DPP6: variants seen among roughly 807,000 people sequenced by gnomAD.
DPP6 encodes dipeptidyl peptidase like 6.
In DPP6, 69 loss-of-function variants were observed where a neutral mutation model predicts 122.6. That is an observed-to-expected ratio of 0.56 (90% confidence interval 0.46 to 0.69). The LOEUF (loss-of-function observed/expected upper bound fraction) is 0.69. DPP6 is among the 30% of genes least tolerant of loss of function. The pLI, the probability that DPP6 is intolerant of heterozygous loss-of-function variation, is 0.00. For synonymous variants in DPP6, 418 were observed against 433.1 expected (o/e 0.97, Z 0.43); for missense variants, 928 against 1,116.9 (o/e 0.83, Z 2.41).
chr7:154,660,704 A>G (rs1198620798), intron 6 of DPP6, among the ~76,000 whole-genome samples: 1 of 107,798 alleles, frequency 9.3e-6, no homozygotes, highest in African/African-American at 4.1e-5. Context: ...ACCATGGCAT[A>G]TTGGCGCTAG....
the DPP6 span, among the ~76,000 whole-genome samples, chr7:153,852,977 TG>T: frequency 6.6e-6 from 1 of 152,164 alleles, no homozygotes; most frequent in Non-Finnish European, 1.5e-5. Flanking sequence ...TTTCAACATG[TG>T]GGCACCCCTC....
At chr7:154,388,773 T>G (rs962898018) in intron 1 of DPP6, among the ~76,000 whole-genome samples, 15 of 152,264 alleles carry the variant, frequency 9.9e-5, no homozygotes, top group African/African-American at 2.9e-4. Context: ...AAGAGAACTG[T>G]GGGTTTATGC....
In DPP6 at chr7:154,010,924, C is replaced by T. The variant is rs368934981; in HGVS notation, c.51+123190C>T. On this transcript the variant is annotated intron_variant, in intron 1 of 25. Transcript: ENST00000404039. ...CATTTCAAATACTGGTTCATCTGGC[C>T]CCCATCCTGATCAAAAATAGTCAGA... Among the ~76,000 whole-genome samples the T allele has an allele frequency of 5.9e-5, 9 of 152,202 alleles. No homozygotes were observed. In the East Asian group the frequency reaches 1.2e-3, roughly 20 times the overall value.
intron 3 of DPP6, among the ~76,000 whole-genome samples, chr7:154,531,301 G>A (rs1003751696): frequency 6.6e-6 from 1 of 152,082 alleles, no homozygotes; most frequent in African/African-American, 2.4e-5. Flanking sequence ...ATACGCTCTG[G>A]GAAATAATTC....
At chr7:154,540,773 A>G in intron 4 of DPP6, 147 bp downstream of exon 4, 2 of 566,648 alleles carry the variant, frequency 3.5e-6, no homozygotes, top group Non-Finnish European at 6.1e-6. Context: ...ACCAAAGATA[A>G]TGTGAAATTG....
chr7:154,781,733 A>G (rs2150404038), intron 10 of DPP6, among the ~76,000 whole-genome samples: 1 of 152,256 alleles, frequency 6.6e-6, no homozygotes, highest in Middle Eastern at 3.4e-3. Flanking sequence ...ACCCCTGCTC[A>G]ATCCATGGGA....
intron 1 of DPP6, among the ~76,000 whole-genome samples, chr7:154,221,143 T>C (rs1585664902): frequency 6.6e-6 from 1 of 152,158 alleles, no homozygotes. Context: ...AGGTTTCCTT[T>C]TATTGTTATT....
At chr7:154,362,890 T>C (rs917277343) in intron 1 of DPP6, among the ~76,000 whole-genome samples, 4 of 152,308 alleles carry the variant, frequency 2.6e-5, no homozygotes, top group African/African-American at 9.6e-5. Context: ...CAACTGGAGC[T>C]TGTTTGGAGT....
At chr7:154,187,863 A>T (rs1234813571) in intron 1 of DPP6, among the ~76,000 whole-genome samples, 2 of 152,078 alleles carry the variant, frequency 1.3e-5, no homozygotes, top group East Asian at 3.8e-4. Flanking sequence ...TGATGCCGAG[A>T]CTCTAACCCA....
chr7:153,947,182 T>C (rs1462840338), intron 1 of DPP6, among the ~76,000 whole-genome samples: 1 of 152,226 alleles, frequency 6.6e-6, no homozygotes, highest in Admixed American at 6.5e-5. Context: ...TGGTGGATGA[T>C]GCCTTTCAAA....
intron 1 of DPP6, among the ~76,000 whole-genome samples, chr7:154,340,909 T>C (rs79927807): frequency 3.3e-5 from 5 of 152,310 alleles, no homozygotes; most frequent in Non-Finnish European, 7.4e-5. Flanking sequence ...TTTTTGGCTC[T>C]GAGTGTGCTT....
intron 1 of DPP6, among the ~76,000 whole-genome samples, chr7:153,987,529 A>T (rs2129040559): frequency 6.6e-6 from 1 of 151,968 alleles, no homozygotes; most frequent in East Asian, 1.9e-4. Flanking sequence ...CATATAATTT[A>T]CAGAAGTGGG....
intron 1 of DPP6, among the ~76,000 whole-genome samples, chr7:154,131,706 A>G (rs1412976610): frequency 6.6e-6 from 1 of 152,294 alleles, no homozygotes; most frequent in Non-Finnish European, 1.5e-5. Flanking sequence ...GGGATAGACT[A>G]GGAAGCTATG....
At chr7:154,874,585 G>GCAGGT (rs1338491250) in intron 19 of DPP6, among the ~76,000 whole-genome samples, 1 of 152,242 alleles carries the variant, frequency 6.6e-6, no homozygotes, top group Non-Finnish European at 1.5e-5. Context: ...TGACTCACCA[G>GCAGGT]GACCCTAAGC....
chr7:154,310,598 T>A (rs1806781265), intron 1 of DPP6, among the ~76,000 whole-genome samples: 1 of 152,170 alleles, frequency 6.6e-6, no homozygotes, highest in Admixed American at 6.5e-5. Context: ...TTAAACCAAA[T>A]CCAGCCCCCT....
chr7:154,140,304 A>G (rs1795782050), intron 1 of DPP6, among the ~76,000 whole-genome samples: 1 of 152,182 alleles, frequency 6.6e-6, no homozygotes, highest in Admixed American at 6.5e-5. Context: ...GACACAGCAA[A>G]TGTCCCCAAA....
At chr7:154,294,347 G>T (rs1184586641) in intron 1 of DPP6, among the ~76,000 whole-genome samples, 1 of 152,140 alleles carries the variant, frequency 6.6e-6, no homozygotes, top group Non-Finnish European at 1.5e-5. Context: ...TCTAGGGGAA[G>T]ATGCCAAGTG....
the DPP6 span, among the ~76,000 whole-genome samples, chr7:153,765,595 G>A: frequency 4.6e-5 from 7 of 151,978 alleles, no homozygotes; most frequent in Non-Finnish European, 8.8e-5. Context: ...GATGATGTAT[G>A]TAAATTGTCA....
intron 1 of DPP6, among the ~76,000 whole-genome samples, chr7:153,974,527 A>G (rs1796197828): frequency 6.6e-6 from 1 of 152,102 alleles, no homozygotes; most frequent in Admixed American, 6.6e-5. Flanking sequence ...AATGTGCAAG[A>G]GAAAGAGGGG....
Sources: gnomAD v4.1 joint callset for allele counts (sites outside exome capture counted in the v4.1 genomes callset) on GRCh38, gnomAD v4.1.1 for gene constraint, MANE v1.5 for transcripts, NCBI Gene and HGNC (gene_info 2026-07-23, HGNC 2026-07-21) for gene names.